Variants in ARL10 observed in about 807,000 individuals in gnomAD.
ARL10 encodes ARF like GTPase 10.
ARL10 carries 23 observed loss-of-function variants against 26.1 expected under a neutral mutation model. The observed-to-expected ratio is 0.88, with a 90% CI of 0.63 to 1.25. The LOEUF is 1.25. Ranked by LOEUF, ARL10 falls within the 50% of genes most tolerant of loss-of-function variation. The pLI, the probability that ARL10 is intolerant of heterozygous loss-of-function variation, is 0.00. For missense variants in ARL10, 300 were observed against 323.6 expected (o/e 0.93, Z 0.56); for synonymous variants, 138 against 149.1 (o/e 0.93, Z 0.54).
At chr5:176,392,798 C>G, downstream of ARL10, 1 of 1,614,222 alleles carries the variant, frequency 6.2e-7, no homozygotes, top group Non-Finnish European at 8.5e-7. The surrounding 1 kb of genome is among the most constrained non-coding windows in gnomAD (Gnocchi z 5.2). Flanking sequence ...GCGTCTGCTT[C>G]AGGGACATGA....
intron 1 of ARL10, chr5:176,396,436 C>T: frequency 6.5e-7 from 1 of 1,536,638 alleles, no homozygotes; most frequent in South Asian, 1.1e-5. Context: ...GGTGGCCATT[C>T]CCTCTCTAGC....
the ARL10 span, among the ~76,000 whole-genome samples, chr5:176,413,072 A>G: frequency 6.6e-6 from 1 of 152,158 alleles, no homozygotes; most frequent in African/African-American, 2.4e-5. Context: ...TCCTCTGGAC[A>G]TGCAGTTTCG....
intron 1 of ARL10, among the ~76,000 whole-genome samples, chr5:176,388,050 G>A (rs1756025603): frequency 6.6e-6 from 1 of 152,208 alleles, no homozygotes; most frequent in Non-Finnish European, 1.5e-5. Flanking sequence ...GTGCTGGGGA[G>A]GGAGTGTGAC....
rs1012166260 is a variant in ARL10 at position 176,373,760 on chromosome 5, G to A, written c.*1865G>A. 2 of 152,210 alleles carry A rather than the reference G, an allele frequency of 1.3e-5. No individual in the cohort carries two copies. The highest frequency in any genetic ancestry group is 2.4e-5 in the African/African-American group (1 of 41,466). The allele number at this position is 152,210 out of a possible 1,614,324, so 9.4% of individuals were successfully genotyped here. A position where few individuals can be genotyped will look rare whatever the true frequency, so the allele number is the denominator to read the frequency against. On this transcript the variant is annotated 3_prime_UTR_variant, in exon 4 of 4. Coordinates refer to ENST00000310389, the MANE Select transcript of ARL10 (RefSeq NM_173664.6). ...TTTTAAGAATGACTTGGGTTTCAGA[G>A]TAGCCTTTGAAACTTTGCTGGCAGC...
chr5:176,388,559 G>A (rs1756085475), exon 2 of ARL10: 2 of 1,596,700 alleles, frequency 1.3e-6, no homozygotes, highest in South Asian at 2.2e-5. Context: ...CACCGCACCA[G>A]CAGCTCAAAC....
chr5:176,396,842 T>C lies in ARL10; in HGVS notation c.134-4899T>C, dbSNP rs537652165. Among the ~76,000 whole-genome samples, 20 of 152,274 alleles carry C rather than the reference T, an allele frequency of 1.3e-4. No individual in the cohort carries two copies. The East Asian group carries it at 2.9e-3, about 22-fold the overall frequency. ...CTCATCAGCCAAGGCCCTTACAGTG[T>C]GAGTCCACAGGTTCCTGCCTTCTCT... is the stretch of plus-strand genomic sequence containing the variant. On this transcript the variant is annotated intron_variant, in intron 1 of 1. Coordinates refer to the ARL10 transcript ENST00000514533.
chr5:176,366,704 C>A, intron 2 of ARL10, 123 bp downstream of exon 2: 4 of 1,198,658 alleles, frequency 3.3e-6, no homozygotes, highest in Non-Finnish European at 4.6e-6. Flanking sequence ...GAATCCTTCC[C>A]ACCGCTCTCC....
At chr5:176,409,112 G>T in the ARL10 span, among the ~76,000 whole-genome samples, 1 of 151,906 alleles carries the variant, frequency 6.6e-6, no homozygotes, top group African/African-American at 2.4e-5. Flanking sequence ...AAGTAGTTAG[G>T]ATTATAGGCT....
rs1348381370 is a variant in ARL10, at chr5:176,365,709, C to T, written c.146C>T (p.Ala49Val). The stretch of plus-strand genomic sequence containing the variant: ...GACCGGGGAGAGGCCTGGTGGGGCG[C>T]GGAGGCTGCCCGCCTCCCCGAGTGG... ...RWDRGEAWWG[A>V]EAARLPEWDE... is the part of the protein sequence containing the mutation. Residue 49 changes from alanine to valine, a missense_variant, in exon 1 of 4, where the codon GCG becomes GTG. Transcript: ENST00000310389. 3.2e-6 allele frequency: 4 copies of T among 1,239,102 alleles called. No individual in the cohort carries two copies. The East Asian group carries it at 1.3e-4, about 39-fold the overall frequency. The allele number at this position is 1,239,102 out of a possible 1,614,324, so 76.8% of individuals were successfully genotyped here. A position where few individuals can be genotyped will look rare whatever the true frequency, so the allele number is the denominator to read the frequency against.
chr5:176,397,212 A>G (rs1561792250), intron 1 of ARL10, among the ~76,000 whole-genome samples: 2 of 152,092 alleles, frequency 1.3e-5, no homozygotes, highest in Non-Finnish European at 1.5e-5. Context: ...AGCTTCCCAG[A>G]ACAGGCCTTT....
chr5:176,388,679 G>A, downstream of ARL10: 2 of 1,339,416 alleles, frequency 1.5e-6, no homozygotes, highest in Non-Finnish European at 2.1e-6. Context: ...CTACCGTGCT[G>A]AGCACTACGA....
At chr5:176,404,273 G>A (rs138372488), downstream of ARL10, among the ~76,000 whole-genome samples, 38 of 152,314 alleles carry the variant, frequency 2.5e-4, no homozygotes, top group East Asian at 5.8e-3. Flanking sequence ...CCCCAGCTCC[G>A]GTTGCCCCCA....
the ARL10 span, among the ~76,000 whole-genome samples, chr5:176,410,874 G>T: frequency 3.3e-5 from 5 of 152,166 alleles, no homozygotes; most frequent in African/African-American, 1.2e-4. Flanking sequence ...CTCCCAGAAG[G>T]AATTAAGTTT....
At chr5:176,407,558 C>T in the ARL10 span, 2 of 152,314 alleles carry the variant, frequency 1.3e-5, no homozygotes, top group African/African-American at 4.8e-5. Context: ...CCCACCTCAG[C>T]CTCCCACTGC....
chr5:176,384,757 G>A (rs982226572), downstream of ARL10: 18 of 352,762 alleles, frequency 5.1e-5, no homozygotes, highest in Admixed American at 2.6e-4. Context: ...GTGACAGAGC[G>A]AGATTCTGTC....
chr5:176,399,311 T>G (rs1030193170), intron 1 of ARL10, among the ~76,000 whole-genome samples: 4 of 152,212 alleles, frequency 2.6e-5, no homozygotes, highest in Admixed American at 6.5e-5. Flanking sequence ...AGCATGATCA[T>G]AGCTCAGATC....
downstream of ARL10, chr5:176,392,401 A>C: frequency 5.4e-6 from 1 of 184,538 alleles, no homozygotes; most frequent in Non-Finnish European, 1.1e-5. The surrounding 1 kb of genome is among the most constrained non-coding windows in gnomAD (Gnocchi z 5.2). Context: ...CCCTTCTCTC[A>C]AGGTCATGAA....
At chr5:176,369,323 C>T in intron 3 of ARL10, 2 of 808,236 alleles carry the variant, frequency 2.5e-6, no homozygotes, top group Non-Finnish European at 3.4e-6. Context: ...ACCTCCACCT[C>T]CCGGGTTCAA....
chr5:176,390,740 C>A (rs183646453), downstream of ARL10, among the ~76,000 whole-genome samples: 419 of 152,284 alleles, frequency 2.8e-3, 4 homozygotes, highest in Non-Finnish European at 3.4e-3. Flanking sequence ...AGCCACCACG[C>A]CCAGCCTAGA....
Sources: allele counts gnomAD v4.1 joint callset (sites outside exome capture counted in the v4.1 genomes callset), GRCh38; gene constraint gnomAD v4.1.1; non-coding constraint Gnocchi (gnomAD v3.1); transcripts MANE v1.5; gene names NCBI Gene and HGNC (gene_info 2026-07-23, HGNC 2026-07-21).